SIPA1L2: variants seen among roughly 807,000 people sequenced by gnomAD.
SIPA1L2 encodes signal induced proliferation associated 1 like 2.
A neutral mutation model predicts 163.9 loss-of-function variants in SIPA1L2; 56 were observed. That is an observed-to-expected ratio of 0.34 (90% CI 0.28 to 0.43). The LOEUF (loss-of-function observed/expected upper bound fraction) is 0.43. SIPA1L2 is among the 20% of genes least tolerant of loss of function. The pLI is 1.00. For synonymous variants in SIPA1L2, 877 were observed against 865.7 expected (o/e 1.01, Z -0.23); for missense variants, 1,974 against 2,193.5 (o/e 0.90, Z 2.00).
chr1:232,436,765 CCCT>C lies in SIPA1L2; in HGVS notation c.4031+2340_4031+2342del, dbSNP rs1662588237. On this transcript the variant is annotated intron_variant, in intron 15 of 22. Transcript: ENST00000674635. The stretch of plus-strand genomic sequence containing the variant: ...ACAAGGCAAATGCTGTAAATCCCAT[CCCT>C]CCTCCTCGCCTCCTGTGCAGCTCGG... 5.3e-5 allele frequency among the ~76,000 whole-genome samples: 8 copies of C among 152,290 alleles called. No homozygotes were observed. The South Asian group carries it at 1.7e-3, about 32-fold the overall frequency.
intron 5 of SIPA1L2, among the ~76,000 whole-genome samples, chr1:232,486,067 G>C (rs1665632052): frequency 6.6e-6 from 1 of 152,184 alleles, no homozygotes. Context: ...CATTGCCCCA[G>C]CACGCAAAGG....
chr1:232,482,494 T>C (rs1179921064), intron 6 of SIPA1L2, among the ~76,000 whole-genome samples: 1 of 151,926 alleles, frequency 6.6e-6, no homozygotes, highest in Non-Finnish European at 1.5e-5. Context: ...TCTTAAAATA[T>C]ATAGATATTC....
intron 2 of SIPA1L2, among the ~76,000 whole-genome samples, chr1:232,547,782 CTCTCATTTCCAAATCATA>C (rs769896689): frequency 1.1e-4 from 16 of 152,226 alleles, no homozygotes; most frequent in Non-Finnish European, 8.8e-5. Flanking sequence ...TTCCAAAGCC[CTCTCATTTCCAAATCATA>C]TCTCATTTCC....
rs1660472382 is a variant in SIPA1L2, at chr1:232,403,564, C to T, written c.4824G>A (p.Arg1608=). 6.2e-7 allele frequency: 1 copy of T among 1,613,134 alleles called. No individual in the cohort carries two copies. Among genetic ancestry groups the T allele is most frequent in the Non-Finnish European group, 8.5e-7 (1 of 1,179,514 alleles). ...CTGTCAGGGTGCAGAAGGATGCCAC[C>T]CTCTGGTCTGGGGAGGGGAGAAACA... is the stretch of plus-strand genomic sequence containing the variant. The part of the protein sequence containing the change: ...LCHHTSYLDQ[R]VASFCTLTDM... The change falls in exon 21 of 23, where the codon AGG becomes AGA. Residue 1608 remains arginine, a synonymous_variant. Coordinates refer to ENST00000674635, the MANE Select transcript of SIPA1L2 (RefSeq NM_020808.5).
intron 14 of SIPA1L2, among the ~76,000 whole-genome samples, chr1:232,440,058 A>G (rs1202015275): frequency 6.6e-6 from 1 of 152,242 alleles, no homozygotes. Flanking sequence ...TACACGGTAA[A>G]CACGAAGTAT....
chr1:232,461,222 C>A, intron 9 of SIPA1L2, 61 bp from the exon 10 acceptor site: 1 of 1,576,552 alleles, frequency 6.3e-7, no homozygotes, highest in Admixed American at 1.7e-5. Flanking sequence ...GGGGCTCTGC[C>A]AAAGGTGCAC....
chr1:232,466,975 C>A (rs1042899156), intron 8 of SIPA1L2, among the ~76,000 whole-genome samples: 3 of 152,170 alleles, frequency 2.0e-5, no homozygotes, highest in Non-Finnish European at 4.4e-5. Flanking sequence ...AGAAAGGAAG[C>A]AATCTTTGTT....
intron 2 of SIPA1L2, among the ~76,000 whole-genome samples, chr1:232,542,096 A>C (rs182844799): frequency 5.3e-5 from 8 of 152,364 alleles, no homozygotes; most frequent in African/African-American, 1.7e-4. Flanking sequence ...GTAATGATTT[A>C]AAGTTATCAG....
chr1:232,490,157 C>T (rs1665852628), intron 5 of SIPA1L2, among the ~76,000 whole-genome samples: 1 of 152,094 alleles, frequency 6.6e-6, no homozygotes, highest in Admixed American at 6.5e-5. Flanking sequence ...GTTCTAGTCT[C>T]GTCTTACTTC....
At position 232,515,208 on chromosome 1, in the gene SIPA1L2, G is replaced by T; in HGVS notation, c.132C>A (p.Asn44Lys). The T allele has an allele frequency of 6.2e-7, 1 of 1,614,188 alleles. No individual in the cohort carries two copies. The highest frequency in any genetic ancestry group is 1.3e-5 in the African/African-American group (1 of 75,064). ...CATTTAAAGAAGTAGTGGGTCCCAT[G>T]TTGCCATTAATGGCTTTAAATTTCC... Reference protein sequence around the residue: ...FARKFKAINGNMGPTTSLNAS... With the variant: ...FARKFKAINGKMGPTTSLNAS... The change falls in exon 3 of 23, where the codon AAC becomes AAA. Residue 44 changes from asparagine (N) to lysine (K), a missense_variant. Asn to Lys is a moderately conservative substitution (Grantham distance 94). Coordinates refer to ENST00000674635, the MANE Select transcript of SIPA1L2 (RefSeq NM_020808.5).
At chr1:232,490,658 C>CAA (rs3841712) in intron 5 of SIPA1L2, 381 of 461,448 alleles carry the variant, frequency 8.3e-4, no homozygotes, top group South Asian at 1.3e-3. Flanking sequence ...TTGGTAATAA[C>CAA]AAAAAAAAAT....
At chr1:232,515,923 T>C (rs1354820848) in intron 2 of SIPA1L2, among the ~76,000 whole-genome samples, 1 of 152,226 alleles carries the variant, frequency 6.6e-6, no homozygotes, top group Non-Finnish European at 1.5e-5. Flanking sequence ...TAATTTTCCT[T>C]ATCTCTAATT....
intron 1 of SIPA1L2, among the ~76,000 whole-genome samples, chr1:232,584,627 A>C (rs964448480): frequency 1.4e-4 from 22 of 152,236 alleles, no homozygotes; most frequent in Admixed American, 2.0e-4. Context: ...CTTTCCTCTC[A>C]TTAATCTACC....
intron 19 of SIPA1L2, among the ~76,000 whole-genome samples, chr1:232,408,319 A>G (rs1351976118): frequency 6.6e-6 from 1 of 150,980 alleles, no homozygotes; most frequent in African/African-American, 2.4e-5. Context: ...TTGGGTAGAG[A>G]TATGTTATTT....
Position 232,465,509 on chromosome 1 carries a change from C to T in SIPA1L2, c.2244-93G>A, listed in dbSNP as rs1664461403. Reference sequence around the variant, plus strand: ...TGACATATATATACACACACACACACATATACATACACACACACACACACA... The same window carrying T: ...TGACATATATATACACACACACACATATATACATACACACACACACACACA... On this transcript the variant is annotated intron_variant, in intron 8 of 22. Transcript: ENST00000674635. The surrounding 1 kb of genome is among the most constrained non-coding windows in gnomAD (Gnocchi z 4.1). The T allele has an allele frequency of 3.4e-5, 31 of 924,170 alleles. No individual in the cohort carries two copies. The highest frequency in any genetic ancestry group is 4.3e-5 in the Non-Finnish European group (26 of 608,572). 57.2% of individuals were successfully genotyped at this position (924,170 alleles called of 1,614,324 possible).
In SIPA1L2 at chr1:232,514,765, T is replaced by C; in HGVS notation, c.575A>G (p.Tyr192Cys). 10 of 1,614,240 alleles carry C rather than the reference T, an allele frequency of 6.2e-6. No individual in the cohort carries two copies. Among genetic ancestry groups the C allele is most frequent in the Non-Finnish European group, 8.5e-6 (10 of 1,180,040 alleles). ...CCTGTCGATGGATGAAGTACTTCCA[T>C]ACTCCCTGTGCAGGGCAGCCCCGGT... ...PNTGAALHRE[Y>C]GSTSSIDRQG... Residue 192 changes from tyrosine (Y) to cysteine (C), a missense_variant, in exon 3 of 23, where the codon TAT becomes TGT. This residue lies in a region of SIPA1L2 where 607 missense variants were observed against 624.0 expected (regional missense o/e 0.97). Transcript: ENST00000674635.
intron 12 of SIPA1L2, among the ~76,000 whole-genome samples, chr1:232,442,659 T>C (rs1220537523): frequency 6.6e-6 from 1 of 152,142 alleles, no homozygotes; most frequent in Non-Finnish European, 1.5e-5. Context: ...GAAAACTTAT[T>C]GACATTACAA....
intron 2 of SIPA1L2, among the ~76,000 whole-genome samples, chr1:232,537,392 T>C (rs1197367066): frequency 6.6e-6 from 1 of 151,922 alleles, no homozygotes; most frequent in Non-Finnish European, 1.5e-5. Context: ...AAACCAATAG[T>C]ATAACAGCAA....
chr1:232,468,683 AT>A (rs1664647595), intron 8 of SIPA1L2, among the ~76,000 whole-genome samples: 1 of 152,250 alleles, frequency 6.6e-6, no homozygotes, highest in Non-Finnish European at 1.5e-5. Context: ...GATGTTACAT[AT>A]TAGATTTTCT....
Sources: allele counts gnomAD v4.1 joint callset (sites outside exome capture counted in the v4.1 genomes callset), GRCh38; gene constraint gnomAD v4.1.1; regional missense constraint gnomAD v4.1.1; non-coding constraint Gnocchi (gnomAD v3.1); transcripts MANE v1.5; gene names NCBI Gene and HGNC (gene_info 2026-07-23, HGNC 2026-07-21).